BIRC6: variants seen among roughly 807,000 people sequenced by gnomAD.
BIRC6 encodes the protein dual E2 ubiquitin-conjugating enzyme/E3 ubiquitin-protein ligase BIRC6.
In BIRC6, 98 loss-of-function variants were observed where a neutral mutation model predicts 503.3. That is an observed-to-expected ratio of 0.19 (90% confidence interval 0.17 to 0.23). The LOEUF (loss-of-function observed/expected upper bound fraction) is 0.23, where lower values mean the gene tolerates loss of function less well. Among genes scored for constraint, BIRC6 ranks in the 10% least tolerant of loss-of-function variants. The pLI is 1.00. For missense variants in BIRC6, 5,360 were observed against 5,806.0 expected (o/e 0.92, Z 2.50); for synonymous variants, 2,240 against 2,078.7 (o/e 1.08, Z -2.11).
At chr2:32,518,527 A>G (rs561067388) in intron 56 of BIRC6, 130 bp downstream of exon 56, 2 of 979,470 alleles carry the variant, frequency 2.0e-6, no homozygotes, top group East Asian at 2.6e-5. Context: ...CTTTATACCT[A>G]ATGACAGAAC....
At chr2:32,380,324 A>C in intron 3 of BIRC6, 34 bp downstream of exon 3, 2 of 1,562,056 alleles carry the variant, frequency 1.3e-6, no homozygotes, top group Non-Finnish European at 1.7e-6. Flanking sequence ...TTTTGGGGTT[A>C]TATTACAATG....
chr2:32,450,513 C>G lies in BIRC6; in HGVS notation c.4618+1585C>G, dbSNP rs1056168559. Among the ~76,000 whole-genome samples, 7 of 151,970 alleles carry G rather than the reference C, an allele frequency of 4.6e-5. No homozygotes were observed. In the South Asian group the frequency reaches 8.3e-4, roughly 18 times the overall value. ...ACTTTAATGTCTCATTGTGTTGTTC[C>G]TCATTATTAGTCTCTCTACAGCATT... On this transcript the variant is annotated intron_variant, in intron 22 of 73. Coordinates refer to ENST00000421745, the MANE Select transcript of BIRC6 (RefSeq NM_016252.4).
intron 33 of BIRC6, among the ~76,000 whole-genome samples, chr2:32,474,839 A>C (rs925084565): frequency 1.3e-5 from 2 of 152,222 alleles, no homozygotes; most frequent in Admixed American, 6.5e-5. Context: ...TTATGTGTAC[A>C]TGCTAGTTTT....
At chr2:32,473,330 A>G (rs1189600251) in intron 33 of BIRC6, 91 bp downstream of exon 33, 2 of 1,048,390 alleles carry the variant, frequency 1.9e-6, no homozygotes, top group Admixed American at 3.1e-5. Context: ...TGTGAGGTAT[A>G]ACATTTAATG....
chr2:32,478,805 A>G lies in BIRC6; in HGVS notation c.7239A>G (p.Gln2413=), dbSNP rs751750567. The G allele has an allele frequency of 6.2e-7, 1 of 1,612,584 alleles. No individual in the cohort carries two copies. The highest frequency in any genetic ancestry group is 1.1e-5 in the South Asian group (1 of 90,662). The change falls in exon 36 of 74, where the codon CAA becomes CAG. Residue 2413 remains glutamine, a synonymous_variant. Transcript: ENST00000421745. Reference sequence around the variant, plus strand: ...AGTATTCCTTAACTTGCATGCTACAAGATATTTTAGCAGGTGTGTTAGGAT... The same window carrying G: ...AGTATTCCTTAACTTGCATGCTACAGGATATTTTAGCAGGTGTGTTAGGAT... ...WAQYSLTCML[Q]DILAGELLAP...
intron 39 of BIRC6, among the ~76,000 whole-genome samples, chr2:32,484,742 C>T (rs2050809643): frequency 1.3e-5 from 2 of 151,990 alleles, no homozygotes; most frequent in South Asian, 4.1e-4. Flanking sequence ...CACTATGTTG[C>T]CCAGGCTGGT....
chr2:32,482,027 C>T (rs1456516218), intron 38 of BIRC6, among the ~76,000 whole-genome samples: 1 of 152,084 alleles, frequency 6.6e-6, no homozygotes. Context: ...TTTAAGTATA[C>T]AGAAGTATAG....
intron 57 of BIRC6, 24 bp from the exon 58 acceptor site, chr2:32,524,864 A>G (rs896529490): frequency 7.3e-7 from 1 of 1,365,974 alleles, no homozygotes; most frequent in Non-Finnish European, 9.7e-7. Flanking sequence ...AAAGCAGTGT[A>G]TTTTAGATAA....
chr2:32,561,911 G>C (rs1012030759), intron 65 of BIRC6, among the ~76,000 whole-genome samples: 2 of 151,732 alleles, frequency 1.3e-5, no homozygotes, highest in East Asian at 1.9e-4. Context: ...GCGTGGTGGT[G>C]GGCCCCTGTA....
At chr2:32,400,280 CTG>C (rs1476214988) in intron 6 of BIRC6, among the ~76,000 whole-genome samples, 1 of 147,820 alleles carries the variant, frequency 6.8e-6, no homozygotes, top group African/African-American at 2.5e-5. Flanking sequence ...AGGTATATTT[CTG>C]TGTTCTTAAT....
chr2:32,544,872 A>ATT (rs559526731), intron 62 of BIRC6, among the ~76,000 whole-genome samples: 2 of 151,054 alleles, frequency 1.3e-5, no homozygotes, highest in Non-Finnish European at 3.0e-5. Flanking sequence ...ACTTGATCTG[A>ATT]TTTTTTTTTA....
chr2:32,459,335 G>A (rs904334745), intron 23 of BIRC6, among the ~76,000 whole-genome samples: 1 of 152,130 alleles, frequency 6.6e-6, no homozygotes, highest in Admixed American at 6.5e-5. Flanking sequence ...TAAAGATTTA[G>A]GCGATTTCTT....
chr2:32,374,882 G>C (rs191657403), intron 1 of BIRC6, among the ~76,000 whole-genome samples: 3 of 152,244 alleles, frequency 2.0e-5, no homozygotes, highest in Non-Finnish European at 2.9e-5. Context: ...TGTATTATGG[G>C]TGTGAGCCAC....
chr2:32,467,147 G>A (rs749469913), intron 26 of BIRC6, among the ~76,000 whole-genome samples: 29 of 150,610 alleles, frequency 1.9e-4, no homozygotes, highest in Non-Finnish European at 3.4e-4. Flanking sequence ...GAGGGGTTTC[G>A]CTGTATTGCC....
At chr2:32,585,480 A>G (rs976677634) in intron 66 of BIRC6, among the ~76,000 whole-genome samples, 1 of 152,000 alleles carries the variant, frequency 6.6e-6, no homozygotes, top group Non-Finnish European at 1.5e-5. Context: ...CCCAGGTTCA[A>G]GTGATTCTTC....
chr2:32,468,230 G>A (rs926092445), intron 28 of BIRC6, 119 bp downstream of exon 28: 10 of 1,120,702 alleles, frequency 8.9e-6, no homozygotes, highest in Non-Finnish European at 1.1e-5. Flanking sequence ...GCAAGAGGAA[G>A]TAGGAGATTA....
At chr2:32,598,023 A>G in intron 69 of BIRC6, 55 bp downstream of exon 69, 1 of 1,408,384 alleles carries the variant, frequency 7.1e-7, no homozygotes, top group Non-Finnish European at 9.6e-7. Flanking sequence ...TCATCTAATT[A>G]CTCAAATTTT....
intron 16 of BIRC6, 38 bp downstream of exon 16, chr2:32,439,724 T>A: frequency 1.3e-6 from 2 of 1,569,332 alleles, no homozygotes; most frequent in Middle Eastern, 3.4e-4. Context: ...CAATACAGTT[T>A]TAAACATTGT....
chr2:32,465,339 G>C (rs2048434371), intron 26 of BIRC6, among the ~76,000 whole-genome samples, 175 bp downstream of exon 26: 1 of 146,392 alleles, frequency 6.8e-6, no homozygotes, highest in Admixed American at 6.9e-5. Context: ...CAAGCTTTGT[G>C]CTCACCAAAT....
Sources: gnomAD v4.1 joint callset for allele counts (sites outside exome capture counted in the v4.1 genomes callset) on GRCh38, gnomAD v4.1.1 for gene constraint, MANE v1.5 for transcripts, NCBI Gene and HGNC (gene_info 2026-07-23, HGNC 2026-07-21) for gene names.